Variants in TBC1D5 observed in about 807,000 individuals in gnomAD.
TBC1D5 encodes TBC1 domain family, member 5.
A neutral mutation model predicts 100.3 loss-of-function variants in TBC1D5; 75 were observed. The observed-to-expected ratio is 0.75, with a 90% CI of 0.62 to 0.91. The LOEUF is 0.91. Ranked by LOEUF, TBC1D5 falls within the 40% of genes least tolerant of loss-of-function variation. The pLI is 0.00. For synonymous variants in TBC1D5, 323 were observed against 325.6 expected (o/e 0.99, Z 0.09); for missense variants, 910 against 942.4 (o/e 0.97, Z 0.45).
intron 2 of TBC1D5, among the ~76,000 whole-genome samples, chr3:17,519,954 T>C (rs747700310): frequency 1.3e-5 from 2 of 152,178 alleles, no homozygotes; most frequent in Non-Finnish European, 2.9e-5. Flanking sequence ...GCAAACTCAA[T>C]AGGCAGTGAG....
At chr3:17,385,193 C>T (rs1425733230) in intron 8 of TBC1D5, among the ~76,000 whole-genome samples, 2 of 151,992 alleles carry the variant, frequency 1.3e-5, no homozygotes, top group East Asian at 3.9e-4. Context: ...AGAACGGTGC[C>T]TAACAAGTAG....
chr3:17,654,115 T>G (rs1467217702), intron 1 of TBC1D5, among the ~76,000 whole-genome samples: 1 of 152,126 alleles, frequency 6.6e-6, no homozygotes, highest in East Asian at 1.9e-4. Context: ...GACTTCAAAA[T>G]TAAAACAAGC....
chr3:17,305,947 C>G (rs1356029161), intron 14 of TBC1D5, among the ~76,000 whole-genome samples: 1 of 152,184 alleles, frequency 6.6e-6, no homozygotes, highest in African/African-American at 2.4e-5. Flanking sequence ...TTGGACATTT[C>G]AATAGCTCCC....
chr3:17,514,363 A>T (rs2095955071), intron 2 of TBC1D5, among the ~76,000 whole-genome samples: 1 of 152,194 alleles, frequency 6.6e-6, no homozygotes. Flanking sequence ...ATTAAATATC[A>T]CCCCTTGGTA....
At chr3:17,609,450 A>G (rs1242569800) in intron 2 of TBC1D5, among the ~76,000 whole-genome samples, 1 of 151,888 alleles carries the variant, frequency 6.6e-6, no homozygotes, top group Admixed American at 6.6e-5. Flanking sequence ...CTTTCCTAAA[A>G]TTTTCTTCCT....
chr3:17,586,030 T>C (rs1410336481), intron 2 of TBC1D5, among the ~76,000 whole-genome samples: 1 of 152,020 alleles, frequency 6.6e-6, no homozygotes, highest in Non-Finnish European at 1.5e-5. Flanking sequence ...CTAAGGAAAA[T>C]GCTAAAGTCT....
rs553684380 is a variant in TBC1D5 at position 17,220,959 on chromosome 3, T to TA, written c.1589-6590dup. 4.5e-4 allele frequency among the ~76,000 whole-genome samples: 68 copies of TA among 152,298 alleles called. 2 individuals are homozygous for TA. The South Asian group carries it at 0.01, about 23-fold the overall frequency. On this transcript the variant is annotated intron_variant, in intron 17 of 21. Transcript: ENST00000253692. ...CTCTTCAAAGTTTGGATTATTGACT[T>TA]ATACCCCTCCAGTGTTAGTGATTTT... is the stretch of plus-strand genomic sequence containing the variant.
At chr3:17,177,404 T>TG (rs2067891330) in intron 19 of TBC1D5, among the ~76,000 whole-genome samples, 1 of 152,198 alleles carries the variant, frequency 6.6e-6, no homozygotes, top group Admixed American at 6.5e-5. Context: ...AACAAGGTGA[T>TG]GGAGGCTGAA....
chr3:17,370,501 T>C (rs921053747), intron 13 of TBC1D5, among the ~76,000 whole-genome samples: 1 of 152,220 alleles, frequency 6.6e-6, no homozygotes, highest in South Asian at 2.1e-4. Flanking sequence ...TAGCAATTCA[T>C]TAATAACCTG....
At chr3:17,639,461 T>A (rs977176734) in intron 1 of TBC1D5, among the ~76,000 whole-genome samples, 1 of 150,416 alleles carries the variant, frequency 6.6e-6, no homozygotes, top group East Asian at 1.9e-4. Flanking sequence ...GCCACACAAT[T>A]TGGTTAAAAA....
chr3:17,731,629 G>T (rs1328922466), intron 1 of TBC1D5, among the ~76,000 whole-genome samples: 1 of 152,084 alleles, frequency 6.6e-6, no homozygotes, highest in East Asian at 1.9e-4. Flanking sequence ...TGGCTGCGGG[G>T]ACACCAGTCA....
At chr3:17,675,355 T>G (rs1451088390) in intron 1 of TBC1D5, among the ~76,000 whole-genome samples, 1 of 152,132 alleles carries the variant, frequency 6.6e-6, no homozygotes, top group Non-Finnish European at 1.5e-5. Context: ...ATAGCTGAAC[T>G]AGTAGAAACT....
chr3:17,196,498 G>C lies in TBC1D5; in HGVS notation c.1753-11290C>G, dbSNP rs191230665. ...AGGGGCTGGGGAGGAGTAAGAGGGA[G>C]GACTAATGATAAGGCTGAACAGGGT... On this transcript the variant is annotated intron_variant, in intron 18 of 21. Coordinates refer to ENST00000253692, the Ensembl canonical transcript of TBC1D5. Among the ~76,000 whole-genome samples, 84 of 152,312 alleles carry C rather than the reference G, an allele frequency of 5.5e-4. 1 individual carries two copies. In the East Asian group the frequency reaches 0.015, roughly 28 times the overall value.
chr3:17,376,524 C>G lies in TBC1D5; in HGVS notation c.701+1G>C, dbSNP rs1269709861. The G allele has an allele frequency of 6.2e-7, 1 of 1,602,504 alleles. No individual in the cohort carries two copies. Among genetic ancestry groups the G allele is most frequent in the Admixed American group, 1.7e-5 (1 of 57,474 alleles). On this transcript the variant is annotated splice_donor_variant, in intron 10 of 21. Coordinates refer to ENST00000253692, the Ensembl canonical transcript of TBC1D5. LOFTEE classifies it high-confidence loss of function. ...GAGCTCATATTAAAAAAAAAACTTG[C>G]CTGGGCTGTGCAGACTCACTGGCAT...
chr3:17,467,121 A>G (rs1266325509), intron 3 of TBC1D5, among the ~76,000 whole-genome samples: 1 of 152,006 alleles, frequency 6.6e-6, no homozygotes, highest in Admixed American at 6.6e-5. Context: ...TTTCATAATT[A>G]TAAATGTTTT....
chr3:17,262,639 G>A (rs970703779), intron 15 of TBC1D5, among the ~76,000 whole-genome samples: 11 of 151,522 alleles, frequency 7.3e-5, no homozygotes, highest in African/African-American at 2.7e-4. Context: ...CCGCCACTAC[G>A]CCCAGCTAAT....
intron 1 of TBC1D5, among the ~76,000 whole-genome samples, chr3:17,668,457 GTATAACAAGCTA>G (rs1370257932): frequency 6.6e-6 from 1 of 151,940 alleles, no homozygotes; most frequent in Non-Finnish European, 1.5e-5. Flanking sequence ...CTCTTGAGGT[GTATAACAAGCTA>G]TACAGAATTA....
At chr3:17,341,777 T>C (rs1421452256) in intron 13 of TBC1D5, among the ~76,000 whole-genome samples, 3 of 152,220 alleles carry the variant, frequency 2.0e-5, no homozygotes, top group Non-Finnish European at 4.4e-5. Context: ...ATATTCAAGC[T>C]AAAAATTGCA....
At chr3:17,305,990 C>A (rs575306436) in intron 14 of TBC1D5, among the ~76,000 whole-genome samples, 3 of 152,152 alleles carry the variant, frequency 2.0e-5, no homozygotes, top group Non-Finnish European at 2.9e-5. Context: ...GTCATCATGA[C>A]CCTCCTGTTT....
Sources: allele counts gnomAD v4.1 joint callset (sites outside exome capture counted in the v4.1 genomes callset), GRCh38; gene constraint gnomAD v4.1.1; transcripts MANE v1.5; gene names NCBI Gene and HGNC (gene_info 2026-07-23, HGNC 2026-07-21).